Variants in CFAP157 observed in about 807,000 individuals in gnomAD.
The protein encoded by CFAP157 is cilia and flagella associated protein 157, also known as cilia- and flagella-associated protein 157.
CFAP157 carries 43 observed loss-of-function variants against 57.8 expected under a neutral mutation model. The observed-to-expected ratio is 0.74, with a 90% CI of 0.58 to 0.96. The LOEUF (loss-of-function observed/expected upper bound fraction) is 0.96, where lower values mean the gene tolerates loss of function less well. Ranked by LOEUF, CFAP157 falls within the 40% of genes least tolerant of loss-of-function variation. The pLI, the probability that CFAP157 is intolerant of heterozygous loss-of-function variation, is 0.00. For synonymous variants in CFAP157, 267 were observed against 269.0 expected, an observed-to-expected ratio of 0.99 and a Z score of 0.07; for missense variants, 606 against 655.3, an observed-to-expected ratio of 0.92 and a Z score of 0.82.
rs1265924817 is a variant in CFAP157 at position 127,714,220 on chromosome 9, A to G, written c.*315A>G. Reference sequence around the variant, plus strand: ...CAGCAGGGGAGAAGCAGCCCAGCACATGGGCCTGAACCGCCTCAGGGTGCG... The same window carrying G: ...CAGCAGGGGAGAAGCAGCCCAGCACGTGGGCCTGAACCGCCTCAGGGTGCG... On this transcript the variant is annotated 3_prime_UTR_variant, in exon 9 of 9. Transcript: ENST00000373295. 4 of 1,613,788 alleles carry G rather than the reference A, an allele frequency of 2.5e-6. No individual in the cohort carries two copies. Among genetic ancestry groups the G allele is most frequent in the African/African-American group, 2.7e-5 (2 of 74,948 alleles).
At position 127,709,572 on chromosome 9, in the gene CFAP157, G is replaced by T; in HGVS notation, c.312G>T (p.Gln104His). ...QVDEITDLNE[Q>H]LQNLQLAKEM... is the part of the protein sequence containing the mutation. ...ATGAGATCACAGACCTCAACGAGCA[G>T]CTCCAGAACTTGCAGCTAGCCAAAG... The change falls in exon 2 of 9, where the codon CAG becomes CAT. Residue 104 changes from glutamine (Q) to histidine (H), a missense_variant. Transcript: ENST00000373295. This position sits in a 1 kb window ranked among gnomAD's most constrained non-coding sequence, Gnocchi z 4.7. 3 of 1,614,094 alleles carry T rather than the reference G, an allele frequency of 1.9e-6. No homozygotes were observed. Among genetic ancestry groups the T allele is most frequent in the Non-Finnish European group, 2.5e-6 (3 of 1,180,034 alleles).
chr9:127,709,536 C>A lies in CFAP157; in HGVS notation c.276C>A (p.Asn92Lys), dbSNP rs765282115. 1 of 1,614,022 alleles carries A rather than the reference C, an allele frequency of 6.2e-7. No individual in the cohort carries two copies. The highest frequency in any genetic ancestry group is 8.5e-7 in the Non-Finnish European group (1 of 1,180,058). ...TGGCCTTCCTCAAGCGCACGCTCAA[C>A]CAGCAGGTGGATGAGATCACAGACC... The part of the protein sequence containing the change: ...EIVAFLKRTL[N>K]QQVDEITDLN... The change falls in exon 2 of 9, where the codon AAC becomes AAA. Residue 92 changes from asparagine (N) to lysine (K), a missense_variant. Asn to Lys is a moderately conservative substitution (Grantham distance 94). Coordinates refer to ENST00000373295, the MANE Select transcript of CFAP157 (RefSeq NM_001012502.3). The surrounding 1 kb of genome is among the most constrained non-coding windows in gnomAD (Gnocchi z 4.7).
Position 127,712,311 on chromosome 9 carries a change from C to T in CFAP157, c.1099C>T (p.Leu367=). The T allele has an allele frequency of 6.2e-7, 1 of 1,614,028 alleles. No individual in the cohort carries two copies. The highest frequency in any genetic ancestry group is 8.5e-7 in the Non-Finnish European group (1 of 1,180,016). ...QKVRASLEAA[L]VQATSFLQNI... is the part of the protein sequence containing the mutation. ...GGTTCGGGCCAGCCTGGAGGCGGCT[C>T]TGGTCCAGGCCACCTCCTTCCTACA... Residue 367 remains leucine, a synonymous_variant, in exon 6 of 9, where the codon CTG becomes TTG. Coordinates refer to ENST00000373295, the MANE Select transcript of CFAP157 (RefSeq NM_001012502.3).
rs1218847016 is a variant in CFAP157 at position 127,711,819 on chromosome 9, G to A, written c.856-1G>A. The A allele has an allele frequency of 2.6e-6, 4 of 1,562,560 alleles. No individual in the cohort carries two copies. In the South Asian group the frequency reaches 3.5e-5, roughly 14 times the overall value. On this transcript the variant is annotated splice_acceptor_variant, in intron 4 of 8. Transcript: ENST00000373295. LOFTEE classifies it high-confidence loss of function. ...GCATGGCCACCTGTCCGCACCCGCA[G>A]ATCATCCTCATGCTGACTAAGAAGT...
rs1490034196 is a variant in CFAP157 at position 127,709,069 on chromosome 9, C to A, written c.162-353C>A. ...CTCATCTGTCAAATAGGTATAAAAT[C>A]ATCATAGTACCTACATTCTTATAGG... On this transcript the variant is annotated intron_variant, in intron 1 of 8. Coordinates refer to ENST00000373295, the MANE Select transcript of CFAP157 (RefSeq NM_001012502.3). This position sits in a 1 kb window ranked among gnomAD's most constrained non-coding sequence, Gnocchi z 4.7. Among the ~76,000 whole-genome samples the A allele has an allele frequency of 6.6e-6, 1 of 152,204 alleles. No homozygotes were observed. Among genetic ancestry groups the A allele is most frequent in the East Asian group, 1.9e-4 (1 of 5,204 alleles).
At chr9:127,711,641 A>G in intron 4 of CFAP157, 145 bp downstream of exon 4, 1 of 1,207,502 alleles carries the variant, frequency 8.3e-7, no homozygotes. Flanking sequence ...TGGGGGCTGC[A>G]GGGTGCTGGG....
intron 1 of CFAP157, among the ~76,000 whole-genome samples, chr9:127,708,360 C>G (rs968776337): frequency 6.6e-6 from 1 of 152,038 alleles, no homozygotes; most frequent in Non-Finnish European, 1.5e-5. Context: ...GCCTGTAATC[C>G]CAGCTACTCA....
In CFAP157 at chr9:127,712,750, C is replaced by T. The variant is rs778747226; in HGVS notation, c.1179C>T (p.Phe393=). The T allele has an allele frequency of 6.2e-7, 1 of 1,614,214 alleles. No individual in the cohort carries two copies. The highest frequency in any genetic ancestry group is 8.5e-7 in the Non-Finnish European group (1 of 1,180,032). Residue 393 remains phenylalanine, a synonymous_variant, in exon 7 of 9, where the codon TTC becomes TTT. Coordinates refer to ENST00000373295, the MANE Select transcript of CFAP157 (RefSeq NM_001012502.3). ...DEEDSDVDVT[F]QPWHKEMLQQ... is the part of the protein sequence containing the mutation. ...AGGACAGTGACGTTGACGTGACGTT[C>T]CAGCCATGGCACAAGGAGATGCTGC...
chr9:127,715,584 C>G lies in CFAP157; in HGVS notation c.*1679C>G. On this transcript the variant is annotated 3_prime_UTR_variant, in exon 9 of 9. Transcript: ENST00000373295. The surrounding 1 kb of genome is among the most constrained non-coding windows in gnomAD (Gnocchi z 5.8). ...CGGGGGGCGAGGCTCCAAAACACAT[C>G]GGCTCATGGCTCTACTCAGCCGCTG... The G allele has an allele frequency of 6.2e-7, 1 of 1,613,468 alleles. No individual in the cohort carries two copies. Among genetic ancestry groups the G allele is most frequent in the Non-Finnish European group, 8.5e-7 (1 of 1,180,036 alleles).
At chr9:127,707,448 C>G (rs1842672428) in intron 1 of CFAP157, among the ~76,000 whole-genome samples, 1 of 152,172 alleles carries the variant, frequency 6.6e-6, no homozygotes, top group African/African-American at 2.4e-5. Context: ...TGGCCCCACC[C>G]CAGGCAATCC....
rs61745122 is a variant in CFAP157 at position 127,714,388 on chromosome 9, G to C, written c.*483G>C. The C allele has an allele frequency of 0.028, 44,884 of 1,614,192 alleles. 716 individuals carry two copies. Among genetic ancestry groups the C allele is most frequent in the Middle Eastern group, 0.036 (219 of 6,062 alleles). On this transcript the variant is annotated 3_prime_UTR_variant, in exon 9 of 9. Transcript: ENST00000373295. ...AAAAGGGTAGACTCACATTGGAGTT[G>C]AGGCAGCTAATGCAGGAACGGACTC...
In CFAP157 at chr9:127,709,478, T is replaced by C. The variant is rs1364603216; in HGVS notation, c.218T>C (p.Phe73Ser). The change falls in exon 2 of 9, where the codon TTT becomes TCT. Residue 73 changes from phenylalanine (F) to serine (S), a missense_variant. Coordinates refer to ENST00000373295, the MANE Select transcript of CFAP157 (RefSeq NM_001012502.3). The surrounding 1 kb of genome is among the most constrained non-coding windows in gnomAD (Gnocchi z 4.7). ...AVQEKMFRQE[F>S]EQLANNKKEI... ...CAGGAGAAGATGTTCCGCCAGGAGT[T>C]TGAGCAGCTGGCCAATAACAAGAAG... 1.2e-6 allele frequency: 2 copies of C among 1,613,990 alleles called. No individual in the cohort carries two copies. The highest frequency in any genetic ancestry group is 2.2e-5 in the East Asian group (1 of 44,884).
Position 127,711,388 on chromosome 9 carries a change from G to A in CFAP157, c.747G>A (p.Leu249=). 8 of 1,614,202 alleles carry A rather than the reference G, an allele frequency of 5.0e-6. No individual in the cohort carries two copies. Among genetic ancestry groups the A allele is most frequent in the Non-Finnish European group, 6.8e-6 (8 of 1,180,050 alleles). ...ARVSQQGMKL[L]QENEQLKGRQ... The stretch of plus-strand genomic sequence containing the variant: ...TCTCCCAGCAAGGCATGAAGCTGCT[G>A]CAGGAGAATGAGCAGCTCAAGGGAA... The change falls in exon 4 of 9, where the codon CTG becomes CTA. Residue 249 remains leucine (L), a synonymous_variant. Coordinates refer to ENST00000373295, the MANE Select transcript of CFAP157 (RefSeq NM_001012502.3).
At position 127,714,399 on chromosome 9, in the gene CFAP157, T is replaced by C; in HGVS notation, c.*494T>C. On this transcript the variant is annotated 3_prime_UTR_variant, in exon 9 of 9. Coordinates refer to ENST00000373295, the MANE Select transcript of CFAP157 (RefSeq NM_001012502.3). ...CTCACATTGGAGTTGAGGCAGCTAATGCAGGAACGGACTCCATTGTGGCCC... is the reference window on the plus strand; with the variant it reads ...CTCACATTGGAGTTGAGGCAGCTAACGCAGGAACGGACTCCATTGTGGCCC... 1 of 1,614,216 alleles carries C rather than the reference T, an allele frequency of 6.2e-7. No homozygotes were observed. Among genetic ancestry groups the C allele is most frequent in the South Asian group, 1.1e-5 (1 of 91,088 alleles).
At chr9:127,713,355 G>C (rs1487244896) in intron 8 of CFAP157, 149 bp downstream of exon 8, 6 of 654,044 alleles carry the variant, frequency 9.2e-6, no homozygotes, top group Non-Finnish European at 1.5e-5. Context: ...GAAGAAAGGA[G>C]TGGCCAAGCC....
rs756490318 is a variant in CFAP157, at chr9:127,713,023, G to A, written c.1308G>A (p.Arg436=). 1 of 1,612,916 alleles carries A rather than the reference G, an allele frequency of 6.2e-7. No individual in the cohort carries two copies. Among genetic ancestry groups the A allele is most frequent in the East Asian group, 2.2e-5 (1 of 44,820 alleles). ...ACCCTCGGCCCCCTCCCCACAGCCG[G>A]CCCAGCATCCAGCTGCCCAGGACTG... ...SQSHGPPKES[R]PSIQLPRTGS... Residue 436 remains arginine (R), a synonymous_variant, in exon 8 of 9, where the codon CGG becomes CGA. Transcript: ENST00000373295.
chr9:127,710,876 G>A lies in CFAP157; in HGVS notation c.587+122G>A, dbSNP rs529571369. 46 of 1,109,268 alleles carry A rather than the reference G, an allele frequency of 4.1e-5. No homozygotes were observed. In the South Asian group the frequency reaches 4.5e-4, roughly 11 times the overall value. 68.7% of individuals were successfully genotyped at this position (1,109,268 alleles called of 1,614,324 possible). A position where few individuals can be genotyped will look rare whatever the true frequency, so the allele number is the denominator to read the frequency against. ...AGATGGGGAAACTGACCGCCGCCCC[G>A]ACAACCTGCTACTCCTTGGAATCCC... On this transcript the variant is annotated intron_variant, in intron 3 of 8. Transcript: ENST00000373295.
intron 1 of CFAP157, among the ~76,000 whole-genome samples, chr9:127,708,056 G>A (rs569547498): frequency 3.3e-5 from 5 of 152,298 alleles, no homozygotes; most frequent in South Asian, 2.1e-4. Context: ...CCAGGAAGAG[G>A]AGGCACCAAG....
chr9:127,710,837 C>G, intron 3 of CFAP157, 83 bp downstream of exon 3: 8 of 1,464,194 alleles, frequency 5.5e-6, no homozygotes, highest in Non-Finnish European at 7.4e-6. Flanking sequence ...GCCTCAGCTT[C>G]TAACTGGGGG....
Sources: gnomAD v4.1 joint callset for allele counts (sites outside exome capture counted in the v4.1 genomes callset) on GRCh38, gnomAD v4.1.1 for gene constraint, Gnocchi (gnomAD v3.1) non-coding constraint, MANE v1.5 for transcripts, NCBI Gene and HGNC (gene_info 2026-07-23, HGNC 2026-07-21) for gene names.